The following VOPP1 variants were observed in gnomAD, a reference collection of about 807,000 sequenced individuals.
VOPP1 encodes WW domain binding protein VOPP1.
Under a neutral mutation model 23.5 loss-of-function variants are expected in VOPP1, and 8 were observed. The ratio of observed to expected loss-of-function variants is 0.34; its 90% confidence interval spans 0.20 to 0.61. The LOEUF is 0.61. VOPP1 is among the 20% of genes least tolerant of loss of function. The pLI, the probability that VOPP1 is intolerant of heterozygous loss-of-function variation, is 0.78. For missense variants in VOPP1, 174 were observed against 238.1 expected (o/e 0.73, Z 1.77); for synonymous variants, 83 against 97.3 (o/e 0.85, Z 0.86).
intron 1 of VOPP1, among the ~76,000 whole-genome samples, chr7:55,550,468 T>C (rs764168772): frequency 1.3e-5 from 2 of 152,214 alleles, no homozygotes; most frequent in Non-Finnish European, 2.9e-5. Flanking sequence ...TTCTGAAAGT[T>C]TGCAGTCTGG....
At chr7:55,462,592 G>A (rs1791528276) in intron 4 of VOPP1, among the ~76,000 whole-genome samples, 1 of 150,384 alleles carries the variant, frequency 6.6e-6, no homozygotes, top group Non-Finnish European at 1.5e-5. Flanking sequence ...CAAAAGACCT[G>A]TCTTCAAATT....
intron 1 of VOPP1, among the ~76,000 whole-genome samples, chr7:55,563,703 T>A (rs1188668267): frequency 6.6e-6 from 1 of 152,234 alleles, no homozygotes; most frequent in East Asian, 1.9e-4. Context: ...AAACAATGTT[T>A]TGGCTGTGAT....
intron 4 of VOPP1, among the ~76,000 whole-genome samples, chr7:55,461,061 G>C (rs1179979100): frequency 6.6e-6 from 1 of 151,970 alleles, no homozygotes; most frequent in Non-Finnish European, 1.5e-5. Context: ...GCCATAAAAA[G>C]GAATGAACTA....
chr7:55,510,220 A>G lies in VOPP1; in HGVS notation c.113+10852T>C, dbSNP rs77270175. Among the ~76,000 whole-genome samples, 1,235 of 152,336 alleles carry G rather than the reference A, an allele frequency of 8.1e-3. 5 individuals carry two copies. Among genetic ancestry groups the G allele is most frequent in the Middle Eastern group, 0.014 (4 of 294 alleles). On this transcript the variant is annotated intron_variant, in intron 2 of 4. Transcript: ENST00000285279. ...CTGTAAGTGTGCATCATCTAAAGAC[A>G]TAAGTGATTAACTTCTTTTACATTA...
intron 4 of VOPP1, among the ~76,000 whole-genome samples, chr7:55,448,128 T>C (rs1008138552): frequency 2.0e-5 from 3 of 152,130 alleles, no homozygotes; most frequent in Admixed American, 6.6e-5. Context: ...AGCCCTAAAA[T>C]ATGTACATAT....
At chr7:55,467,545 TCTC>T (rs558124822), downstream of VOPP1, among the ~76,000 whole-genome samples, 38 of 152,354 alleles carry the variant, frequency 2.5e-4, no homozygotes, top group African/African-American at 7.7e-4. Flanking sequence ...CCACCTCCCT[TCTC>T]CTATTTCAAA....
At chr7:55,462,380 T>C (rs1275236533) in intron 4 of VOPP1, among the ~76,000 whole-genome samples, 1 of 152,206 alleles carries the variant, frequency 6.6e-6, no homozygotes, top group East Asian at 1.9e-4. Context: ...GCTTCCTGTA[T>C]CTGGATGTCT....
At chr7:55,552,176 T>A (rs1797637421) in intron 1 of VOPP1, among the ~76,000 whole-genome samples, 1 of 152,188 alleles carries the variant, frequency 6.6e-6, no homozygotes, top group South Asian at 2.1e-4. Flanking sequence ...CTGCTAGTTA[T>A]TAACATGCAC....
chr7:55,503,335 G>C (rs1417518477), intron 2 of VOPP1, among the ~76,000 whole-genome samples: 2 of 152,166 alleles, frequency 1.3e-5, no homozygotes, highest in Non-Finnish European at 2.9e-5. Context: ...GGAGTTTTTG[G>C]AGCCTAAGAA....
intron 1 of VOPP1, among the ~76,000 whole-genome samples, chr7:55,548,642 G>C (rs1797467604): frequency 6.6e-6 from 1 of 152,202 alleles, no homozygotes; most frequent in Admixed American, 6.5e-5. Flanking sequence ...GCCTGCTACT[G>C]GGGAGTACAA....
At chr7:55,466,317 T>G (rs1791630319), downstream of VOPP1, among the ~76,000 whole-genome samples, 1 of 152,174 alleles carries the variant, frequency 6.6e-6, no homozygotes, top group Admixed American at 6.5e-5. Context: ...CTTGGGCAAT[T>G]GGGTAGAAAG....
At chr7:55,540,385 A>C (rs1217836404) in intron 1 of VOPP1, among the ~76,000 whole-genome samples, 2 of 150,116 alleles carry the variant, frequency 1.3e-5, no homozygotes, top group Non-Finnish European at 3.0e-5. Flanking sequence ...CGACAGAGTG[A>C]GACTCTGTCT....
chr7:55,436,641 C>T (rs951599928), intron 4 of VOPP1, among the ~76,000 whole-genome samples: 9 of 135,630 alleles, frequency 6.6e-5, no homozygotes, highest in South Asian at 4.5e-4. Flanking sequence ...CGTGTGTGTG[C>T]GTGCGTGGGT....
intron 1 of VOPP1, among the ~76,000 whole-genome samples, chr7:55,550,972 T>G (rs1169138245): frequency 6.6e-6 from 1 of 152,088 alleles, no homozygotes; most frequent in Non-Finnish European, 1.5e-5. Context: ...GTATCTAAAA[T>G]GAGAACTAAG....
At chr7:55,449,278 T>C (rs1002758929) in intron 4 of VOPP1, among the ~76,000 whole-genome samples, 1 of 152,120 alleles carries the variant, frequency 6.6e-6, no homozygotes, top group Non-Finnish European at 1.5e-5. Context: ...GGCCCGCGCT[T>C]CTCCCGGATG....
intron 4 of VOPP1, among the ~76,000 whole-genome samples, chr7:55,488,935 T>C (rs815966): frequency 0.33 from 50,537 of 152,128 alleles, 8,829 homozygotes; most frequent in East Asian, 0.51. Context: ...CTCCTCTCTC[T>C]CCCTGGACTG....
At chr7:55,498,342 T>TC (rs1396019946) in intron 2 of VOPP1, among the ~76,000 whole-genome samples, 4 of 152,154 alleles carry the variant, frequency 2.6e-5, no homozygotes, top group Admixed American at 2.6e-4. Context: ...CCTCCCCTCA[T>TC]CCCCCAACGT....
intron 1 of VOPP1, among the ~76,000 whole-genome samples, chr7:55,534,839 C>T (rs1190554068): frequency 1.3e-5 from 2 of 152,246 alleles, no homozygotes; most frequent in Non-Finnish European, 2.9e-5. Context: ...CCCACTAGCT[C>T]ACCCCAGCCA....
intron 1 of VOPP1, among the ~76,000 whole-genome samples, chr7:55,551,002 A>G (rs537363069): frequency 3.2e-4 from 49 of 152,322 alleles, no homozygotes; most frequent in African/African-American, 1.1e-3. Context: ...GGACAGCCCG[A>G]GAAGAGGGAA....
Sources: allele counts gnomAD v4.1 joint callset (sites outside exome capture counted in the v4.1 genomes callset), GRCh38; gene constraint gnomAD v4.1.1; transcripts MANE v1.5; gene names NCBI Gene and HGNC (gene_info 2026-07-23, HGNC 2026-07-21).